Variants in CPNE8 observed in about 807,000 individuals in gnomAD.
The protein encoded by CPNE8 is copine-8.
CPNE8 carries 45 observed loss-of-function variants against 81.5 expected under a neutral mutation model. The observed-to-expected ratio is 0.55, with a 90% CI of 0.44 to 0.71. The LOEUF (loss-of-function observed/expected upper bound fraction) is 0.71. CPNE8 is among the 30% of genes least tolerant of loss of function. The pLI is 0.00. For missense variants in CPNE8, 594 were observed against 672.1 expected, an observed-to-expected ratio of 0.88 and a Z score of 1.28; for synonymous variants, 252 against 226.3, an observed-to-expected ratio of 1.11 and a Z score of -1.02.
At chr12:38,673,272 C>T (rs1280998059) in intron 18 of CPNE8, among the ~76,000 whole-genome samples, 2 of 152,200 alleles carry the variant, frequency 1.3e-5, no homozygotes, top group East Asian at 3.9e-4. Flanking sequence ...AGACCTCTTT[C>T]CTTTATAAAT....
At chr12:38,678,657 C>A (rs1939343765) in intron 16 of CPNE8, among the ~76,000 whole-genome samples, 1 of 151,810 alleles carries the variant, frequency 6.6e-6, no homozygotes. Context: ...TCTTGAGTAG[C>A]AGAATTTAAA....
intron 19 of CPNE8, among the ~76,000 whole-genome samples, chr12:38,661,535 A>C (rs1040745251): frequency 6.6e-6 from 1 of 152,122 alleles, no homozygotes; most frequent in African/African-American, 2.4e-5. Flanking sequence ...GCAGCAAACC[A>C]ACATGGCACA....
At chr12:38,855,218 C>A (rs1456214012) in intron 3 of CPNE8, among the ~76,000 whole-genome samples, 1 of 151,026 alleles carries the variant, frequency 6.6e-6, no homozygotes, top group African/African-American at 2.4e-5. Context: ...TAAAAAAAAA[C>A]ACTGATGAAA....
intron 6 of CPNE8, among the ~76,000 whole-genome samples, chr12:38,799,167 G>C (rs11503908): frequency 6.6e-6 from 1 of 151,950 alleles, no homozygotes; most frequent in Non-Finnish European, 1.5e-5. Flanking sequence ...AAGCATACCC[G>C]GGAATTGAAC....
chr12:38,711,625 C>G (rs530885749), intron 13 of CPNE8, among the ~76,000 whole-genome samples: 1 of 152,056 alleles, frequency 6.6e-6, no homozygotes, highest in East Asian at 1.9e-4. Flanking sequence ...TGCGCCACCA[C>G]GCCCAGATAA....
In CPNE8 at chr12:38,799,194, G is replaced by C. The variant is rs11503909; in HGVS notation, c.408-22893C>G. Among the ~76,000 whole-genome samples, 793 of 152,028 alleles carry C rather than the reference G, an allele frequency of 5.2e-3. 9 individuals carry two copies. The highest frequency in any genetic ancestry group is 0.018 in the African/African-American group (766 of 41,466). ...GAATTGAACTCATCTCTGCACCAAGGGGACCTAATAGACATCTACAGAACT... is the reference window on the plus strand; with the variant it reads ...GAATTGAACTCATCTCTGCACCAAGCGGACCTAATAGACATCTACAGAACT... On this transcript the variant is annotated intron_variant, in intron 6 of 19. Transcript: ENST00000331366.
intron 6 of CPNE8, among the ~76,000 whole-genome samples, chr12:38,826,622 A>G (rs540448985): frequency 6.8e-4 from 104 of 152,258 alleles, no homozygotes; most frequent in African/African-American, 2.3e-3. Flanking sequence ...TGCTGGTCAT[A>G]CCTAGTGGGA....
chr12:38,679,333 A>T (rs549141525), intron 16 of CPNE8, among the ~76,000 whole-genome samples: 1 of 152,040 alleles, frequency 6.6e-6, no homozygotes, highest in South Asian at 2.1e-4. Flanking sequence ...AAAGGAGAAG[A>T]ATATATTCAC....
At chr12:38,807,345 C>T (rs917703462) in intron 6 of CPNE8, among the ~76,000 whole-genome samples, 1 of 148,844 alleles carries the variant, frequency 6.7e-6, no homozygotes, top group African/African-American at 2.4e-5. Context: ...TACCTGACTT[C>T]AAACTATACT....
intron 13 of CPNE8, among the ~76,000 whole-genome samples, chr12:38,703,392 C>T (rs958313979): frequency 6.6e-6 from 1 of 152,086 alleles, no homozygotes; most frequent in Admixed American, 6.6e-5. Context: ...CCCAAACACA[C>T]GATTTTCTCC....
chr12:38,900,488 C>T (rs1944445620), intron 1 of CPNE8, among the ~76,000 whole-genome samples: 1 of 152,166 alleles, frequency 6.6e-6, no homozygotes, highest in Non-Finnish European at 1.5e-5. Context: ...AGAGACAAAA[C>T]TTGTCCTCAA....
chr12:38,742,412 A>T (rs576665441), intron 10 of CPNE8, among the ~76,000 whole-genome samples: 34 of 152,176 alleles, frequency 2.2e-4, no homozygotes, highest in Non-Finnish European at 4.4e-4. Flanking sequence ...CATCATTCTC[A>T]GCAAACTATC....
intron 7 of CPNE8, among the ~76,000 whole-genome samples, chr12:38,768,165 T>C (rs1031853689): frequency 1.3e-5 from 2 of 151,628 alleles, no homozygotes; most frequent in Admixed American, 6.6e-5. Flanking sequence ...TGAGATGTAC[T>C]AGATGATTAG....
chr12:38,704,826 G>GTATATATGTGTGTA (rs1940051981), intron 13 of CPNE8, among the ~76,000 whole-genome samples: 1 of 50,200 alleles, frequency 2.0e-5, no homozygotes, highest in South Asian at 8.1e-4. Context: ...GTATGTATGT[G>GTATATATGTGTGTA]TATATATATA....
intron 5 of CPNE8, among the ~76,000 whole-genome samples, chr12:38,834,164 T>A (rs1006886300): frequency 5.9e-5 from 9 of 152,186 alleles, no homozygotes; most frequent in African/African-American, 2.2e-4. Flanking sequence ...TAGCTACTCT[T>A]CTTCCCTCAA....
chr12:38,679,369 C>T (rs1939362334), intron 16 of CPNE8, among the ~76,000 whole-genome samples: 1 of 151,774 alleles, frequency 6.6e-6, no homozygotes, highest in South Asian at 2.1e-4. Context: ...TAGATACAGC[C>T]TAAAGCAGAT....
At chr12:38,742,050 A>G (rs1941119626) in intron 10 of CPNE8, among the ~76,000 whole-genome samples, 1 of 152,204 alleles carries the variant, frequency 6.6e-6, no homozygotes, top group Non-Finnish European at 1.5e-5. Flanking sequence ...ATGTGGAGAA[A>G]TAGGAACACT....
chr12:38,721,143 T>A (rs1302223274), intron 13 of CPNE8: 1 of 153,194 alleles, frequency 6.5e-6, no homozygotes, highest in Admixed American at 6.5e-5. Flanking sequence ...GCCGATGGGA[T>A]GGATGCCTGG....
At chr12:38,809,130 C>T (rs1454324815) in intron 6 of CPNE8, among the ~76,000 whole-genome samples, 1 of 152,282 alleles carries the variant, frequency 6.6e-6, no homozygotes, top group East Asian at 1.9e-4. Context: ...TAAATTATCT[C>T]AAGTTTAGCA....
Sources: gnomAD v4.1 joint callset for allele counts (sites outside exome capture counted in the v4.1 genomes callset) on GRCh38, gnomAD v4.1.1 for gene constraint, MANE v1.5 for transcripts, NCBI Gene and HGNC (gene_info 2026-07-23, HGNC 2026-07-21) for gene names.